POF1B: variants seen among roughly 807,000 people sequenced by gnomAD.
POF1B encodes the protein protein POF1B.
POF1B carries 53 observed loss-of-function variants against 55.3 expected under a neutral mutation model. The ratio of observed to expected loss-of-function variants is 0.96; its 90% confidence interval spans 0.77 to 1.20. The LOEUF (loss-of-function observed/expected upper bound fraction) is 1.20, where lower values mean the gene tolerates loss of function less well. POF1B is among the 50% of genes most tolerant of loss of function. The probability of loss-of-function intolerance (pLI) is 0.00; values close to 1 mark genes in which losing one functional copy is unlikely to be tolerated. For missense variants in POF1B, 478 were observed against 420.5 expected (o/e 1.14, Z -1.20); for synonymous variants, 188 against 148.3 (o/e 1.27, Z -1.95).
chrX:85,361,731 T>C (rs890886877), intron 3 of POF1B, among the ~76,000 whole-genome samples: 3 of 111,742 alleles, frequency 2.7e-5, no homozygotes, highest in Non-Finnish European at 5.6e-5. Flanking sequence ...AATAGTTTTA[T>C]TTCAAGTTCT....
At chrX:85,362,332 C>A (rs897233446) in intron 3 of POF1B, among the ~76,000 whole-genome samples, 3 of 111,177 alleles carry the variant, frequency 2.7e-5, no homozygotes, top group African/African-American at 9.8e-5. Context: ...AGTTTTCAAG[C>A]GGAATGCTTC....
intron 9 of POF1B, among the ~76,000 whole-genome samples, chrX:85,308,640 T>A (rs1361566311): frequency 8.9e-6 from 1 of 111,752 alleles, no homozygotes; most frequent in Non-Finnish European, 1.9e-5. Flanking sequence ...AAGTTTAACT[T>A]TAAAGTATAG....
At chrX:85,367,420 C>T (rs1306073276) in intron 3 of POF1B, among the ~76,000 whole-genome samples, 1 of 112,012 alleles carries the variant, frequency 8.9e-6, no homozygotes, top group Non-Finnish European at 1.9e-5. Flanking sequence ...TTCATCCATA[C>T]TCACTTGGCT....
chrX:85,326,377 C>T (rs1240821424), intron 7 of POF1B, among the ~76,000 whole-genome samples: 2 of 109,723 alleles, frequency 1.8e-5, no homozygotes, highest in African/African-American at 6.7e-5. Context: ...GGACTGTGCG[C>T]GCCCTTTGTG....
intron 3 of POF1B, among the ~76,000 whole-genome samples, chrX:85,366,653 G>C (rs1933728741): frequency 1.8e-5 from 2 of 111,226 alleles, no homozygotes; most frequent in African/African-American, 6.5e-5. Context: ...TGGTCCTATA[G>C]GGCTGCATTT....
intron 16 of POF1B, among the ~76,000 whole-genome samples, chrX:85,280,670 T>C (rs1931876661): frequency 9.0e-6 from 1 of 111,322 alleles, no homozygotes; most frequent in African/African-American, 3.3e-5. Context: ...AGTCAAAGGC[T>C]GTCATTTTCA....
chrX:85,336,179 A>G (rs1041238936), intron 6 of POF1B, among the ~76,000 whole-genome samples: 3 of 111,153 alleles, frequency 2.7e-5, no homozygotes, highest in African/African-American at 9.8e-5. Flanking sequence ...ATTGTAACTG[A>G]CAGGATATCA....
intron 4 of POF1B, among the ~76,000 whole-genome samples, chrX:85,354,941 GAATTGGAAAAAGCTAC>G (rs1933460831): frequency 9.0e-6 from 1 of 111,170 alleles, no homozygotes; most frequent in Non-Finnish European, 1.9e-5. Flanking sequence ...TTTCTTCACG[GAATTGGAAAAAGCTAC>G]TTTAAGGTTC....
chrX:85,296,569 A>G (rs1196159574), intron 15 of POF1B, among the ~76,000 whole-genome samples: 1 of 112,176 alleles, frequency 8.9e-6, no homozygotes, highest in Admixed American at 9.4e-5. Flanking sequence ...TAGAACCACA[A>G]TCTTTTCTGG....
intron 6 of POF1B, among the ~76,000 whole-genome samples, chrX:85,343,454 C>G (rs775110597): frequency 1.6e-4 from 18 of 110,816 alleles, no homozygotes; most frequent in African/African-American, 5.9e-4. Flanking sequence ...TCCTGTCATA[C>G]AGTTCCCATC....
At chrX:85,289,561 G>C (rs1037033629) in intron 15 of POF1B, among the ~76,000 whole-genome samples, 1 of 111,586 alleles carries the variant, frequency 9.0e-6, no homozygotes, top group African/African-American at 3.3e-5. Context: ...TGGGTAAGGT[G>C]TCATAAGCAC....
intron 7 of POF1B, among the ~76,000 whole-genome samples, chrX:85,327,451 C>T (rs1390976687): frequency 8.9e-6 from 1 of 111,987 alleles, no homozygotes; most frequent in East Asian, 2.8e-4. Context: ...ACCTCTTACA[C>T]ACACTTATAA....
intron 6 of POF1B, among the ~76,000 whole-genome samples, chrX:85,337,143 C>G (rs1933092027): frequency 9.0e-6 from 1 of 111,580 alleles, no homozygotes; most frequent in African/African-American, 3.3e-5. Context: ...CTATTCTATT[C>G]CATTCATCTA....
At chrX:85,296,892 G>A (rs1193419711) in intron 15 of POF1B, among the ~76,000 whole-genome samples, 1 of 111,000 alleles carries the variant, frequency 9.0e-6, no homozygotes, top group African/African-American at 3.3e-5. Context: ...GGTTAGTCTT[G>A]TTACATAATC....
intron 3 of POF1B, among the ~76,000 whole-genome samples, chrX:85,366,437 G>A (rs1415173235): frequency 9.0e-6 from 1 of 111,477 alleles, no homozygotes; most frequent in East Asian, 2.8e-4. Context: ...AATCATGAGT[G>A]ATTTTTGTTT....
chrX:85,367,594 T>C, intron 3 of POF1B, 98 bp downstream of exon 3: 1 of 579,391 alleles, frequency 1.7e-6, no homozygotes, highest in Non-Finnish European at 2.8e-6. Context: ...TGTGAATGTG[T>C]AAAGTCTTAT....
intron 5 of POF1B, among the ~76,000 whole-genome samples, chrX:85,349,992 C>A (rs756243489): frequency 1.8e-5 from 2 of 110,449 alleles, no homozygotes. Flanking sequence ...GAAGGACTTG[C>A]GGCTCTAGAT....
chrX:85,378,979 G>A (rs373460140), intron 2 of POF1B, among the ~76,000 whole-genome samples, 194 bp downstream of exon 2: 6 of 111,549 alleles, frequency 5.4e-5, no homozygotes, highest in East Asian at 2.8e-4. Flanking sequence ...AGTGAAACCC[G>A]GAAACAAACA....
intron 9 of POF1B, among the ~76,000 whole-genome samples, chrX:85,309,682 T>C (rs1932655668): frequency 9.0e-6 from 1 of 111,381 alleles, no homozygotes. Context: ...CAGAAAACTT[T>C]TAGATAGTAA....
Sources: allele counts gnomAD v4.1 joint callset (sites outside exome capture counted in the v4.1 genomes callset), GRCh38; gene constraint gnomAD v4.1.1; transcripts MANE v1.5; gene names NCBI Gene and HGNC (gene_info 2026-07-23, HGNC 2026-07-21).